The following RYR2 variants were observed in gnomAD, a reference collection of about 807,000 sequenced individuals.
RYR2 encodes cardiac muscle ryanodine receptor-calcium release channel.
In RYR2, 227 loss-of-function variants were observed where a neutral mutation model predicts 601.1. The observed-to-expected ratio is 0.38, with a 90% CI of 0.34 to 0.42. The LOEUF (loss-of-function observed/expected upper bound fraction) is 0.42, where lower values mean the gene tolerates loss of function less well. RYR2 is among the 10% of genes least tolerant of loss of function. The pLI is 1.00. For missense variants in RYR2, 4,646 were observed against 6,156.5 expected, an observed-to-expected ratio of 0.75 and a Z score of 8.21; for synonymous variants, 2,223 against 2,175.1, an observed-to-expected ratio of 1.02 and a Z score of -0.61.
chr1:237,708,988 C>G lies in RYR2; in HGVS notation c.10032C>G (p.Ala3344=), dbSNP rs2149067070. 1.2e-6 allele frequency: 2 copies of G among 1,613,674 alleles called. No homozygotes were observed. The highest frequency in any genetic ancestry group is 1.7e-4 in the Middle Eastern group (1 of 6,060). The change falls in exon 69 of 105, where the codon GCC becomes GCG. Residue 3344 remains alanine, a synonymous_variant. Coordinates refer to ENST00000366574, the MANE Select transcript of RYR2 (RefSeq NM_001035.3). ...VSEEDHLKAE[A]RGDMSEAELL... is the part of the protein sequence containing the mutation. The stretch of plus-strand genomic sequence containing the variant: ...AGGAAGACCACCTGAAAGCTGAGGC[C>G]AGGGGGGACATGTCGGAGGCAGAAC...
chr1:237,749,319 A>G (rs1485263938), intron 80 of RYR2, among the ~76,000 whole-genome samples: 5 of 152,204 alleles, frequency 3.3e-5, no homozygotes, highest in Non-Finnish European at 7.3e-5. Flanking sequence ...TTCTATCTAT[A>G]AAGTGTGGCT....
intron 1 of RYR2, among the ~76,000 whole-genome samples, chr1:237,183,977 A>G (rs1679064204): frequency 6.6e-6 from 1 of 152,222 alleles, no homozygotes; most frequent in African/African-American, 2.4e-5. Context: ...CTCCAGCTGC[A>G]TAAGAGAAAG....
intron 42 of RYR2, among the ~76,000 whole-genome samples, chr1:237,631,915 G>T (rs997463248): frequency 1.3e-5 from 2 of 151,710 alleles, no homozygotes; most frequent in Non-Finnish European, 2.9e-5. Context: ...TTACAGGCGT[G>T]AGCCACCGCG....
At chr1:237,071,657 G>T (rs1249581601) in intron 1 of RYR2, among the ~76,000 whole-genome samples, 2 of 152,208 alleles carry the variant, frequency 1.3e-5, no homozygotes, top group East Asian at 3.9e-4. Context: ...CTGGCCCCCT[G>T]GCCCCCAGGC....
intron 23 of RYR2, among the ~76,000 whole-genome samples, chr1:237,510,955 A>G (rs991736135): frequency 6.6e-6 from 1 of 152,212 alleles, no homozygotes; most frequent in Non-Finnish European, 1.5e-5. Flanking sequence ...TTGTGAGATC[A>G]GGAGGTAACA....
At chr1:237,172,776 GC>G (rs1677564689) in intron 1 of RYR2, among the ~76,000 whole-genome samples, 1 of 152,164 alleles carries the variant, frequency 6.6e-6, no homozygotes, top group Non-Finnish European at 1.5e-5. Context: ...TGACTGTGGG[GC>G]CCCAGGGAGG....
intron 17 of RYR2, among the ~76,000 whole-genome samples, chr1:237,481,107 CATATATAT>C (rs376529507): frequency 1.4e-5 from 2 of 143,058 alleles, no homozygotes; most frequent in African/African-American, 2.5e-5. Flanking sequence ...TGTATATATA[CATATATAT>C]ATATATATAT....
At chr1:237,384,878 T>C (rs898485142) in intron 8 of RYR2, among the ~76,000 whole-genome samples, 1 of 150,582 alleles carries the variant, frequency 6.6e-6, no homozygotes, top group Non-Finnish European at 1.5e-5. Context: ...TCCATATCCA[T>C]TTATTTATTT....
chr1:237,629,041 G>A (rs1679982920), intron 41 of RYR2, among the ~76,000 whole-genome samples: 1 of 152,062 alleles, frequency 6.6e-6, no homozygotes, highest in African/African-American at 2.4e-5. Flanking sequence ...CTCATTGGAA[G>A]ACCTTCTAAA....
chr1:237,112,955 T>C (rs959734998), intron 1 of RYR2, among the ~76,000 whole-genome samples: 16 of 152,174 alleles, frequency 1.1e-4, no homozygotes, highest in Non-Finnish European at 2.2e-4. Flanking sequence ...CATATAACTA[T>C]TTATTAAATA....
At chr1:237,075,419 G>T (rs1290510771) in intron 1 of RYR2, among the ~76,000 whole-genome samples, 1 of 143,220 alleles carries the variant, frequency 7.0e-6, no homozygotes, top group South Asian at 2.4e-4. Flanking sequence ...GTGTGTGTGC[G>T]CACCGTGCGC....
In RYR2 at chr1:237,733,735, C is replaced by T; in HGVS notation, c.11070C>T (p.Ala3690=). 1 of 1,608,604 alleles carries T rather than the reference C, an allele frequency of 6.2e-7. No individual in the cohort carries two copies. Among genetic ancestry groups the T allele is most frequent in the Non-Finnish European group, 8.5e-7 (1 of 1,175,752 alleles). ...TGGAGGAAGATTTTTTATATATGGC[C>T]TATGCAGATATTATGGCAAAGGTAA... The part of the protein sequence containing the change: ...CKLEEDFLYM[A]YADIMAKSCH... Residue 3690 remains alanine (A), a synonymous_variant, in exon 79 of 105, where the codon GCC becomes GCT. Transcript: ENST00000366574.
chr1:237,379,607 T>A (rs776526323), intron 8 of RYR2, among the ~76,000 whole-genome samples: 2 of 152,212 alleles, frequency 1.3e-5, no homozygotes, highest in African/African-American at 2.4e-5. Context: ...ATTTCCAAAC[T>A]ACATTTTATT....
At chr1:237,210,559 T>A (rs1682461579) in intron 1 of RYR2, among the ~76,000 whole-genome samples, 1 of 152,154 alleles carries the variant, frequency 6.6e-6, no homozygotes, top group Non-Finnish European at 1.5e-5. Context: ...GAGGGGATGC[T>A]CCTGTTTTTT....
At chr1:237,170,096 T>C (rs1358119073) in intron 1 of RYR2, among the ~76,000 whole-genome samples, 2 of 152,206 alleles carry the variant, frequency 1.3e-5, no homozygotes, top group African/African-American at 4.8e-5. Flanking sequence ...AACAAGGTAT[T>C]TGCAGGCAGC....
At chr1:237,770,758 G>A (rs1047891415) in intron 84 of RYR2, 49 bp from the exon 85 acceptor site, 46 of 1,196,406 alleles carry the variant, frequency 3.8e-5, no homozygotes, top group East Asian at 5.1e-5. Flanking sequence ...GAAAGGGAGC[G>A]GCAGGCTGGG....
chr1:237,594,908 T>TG (rs1675690781), intron 33 of RYR2, among the ~76,000 whole-genome samples: 10 of 81,272 alleles, frequency 1.2e-4, no homozygotes, highest in African/African-American at 3.5e-4. Context: ...TTTTTTTTTT[T>TG]TTTTTTTTTT....
chr1:237,544,297 A>AT (rs1669581636), intron 25 of RYR2, among the ~76,000 whole-genome samples: 1 of 152,182 alleles, frequency 6.6e-6, no homozygotes, highest in Non-Finnish European at 1.5e-5. Flanking sequence ...AAAGCTACTT[A>AT]TACCTGTTCA....
At chr1:237,345,259 G>A (rs1698192477) in intron 3 of RYR2, among the ~76,000 whole-genome samples, 1 of 152,054 alleles carries the variant, frequency 6.6e-6, no homozygotes, top group South Asian at 2.1e-4. Flanking sequence ...TGATTGGGAT[G>A]CACTGACTTG....
Sources: gnomAD v4.1 joint callset for allele counts (sites outside exome capture counted in the v4.1 genomes callset) on GRCh38, gnomAD v4.1.1 for gene constraint, MANE v1.5 for transcripts, NCBI Gene and HGNC (gene_info 2026-07-23, HGNC 2026-07-21) for gene names.